The following ANAPC2 variants were observed in gnomAD, a reference collection of about 807,000 sequenced individuals.
The protein encoded by ANAPC2 is anaphase-promoting complex subunit 2.
ANAPC2 carries 29 observed loss-of-function variants against 84.3 expected under a neutral mutation model. The observed-to-expected ratio is 0.34, with a 90% CI of 0.26 to 0.47. ANAPC2 has a LOEUF of 0.47. Among genes scored for constraint, ANAPC2 ranks in the 20% least tolerant of loss-of-function variants. The pLI, the probability that ANAPC2 is intolerant of heterozygous loss-of-function variation, is 1.00. For synonymous variants in ANAPC2, 571 were observed against 479.4 expected (o/e 1.19, Z -2.50); for missense variants, 857 against 1,131.7 (o/e 0.76, Z 3.48).
At chr9:137,180,717 G>A (rs1176830063) in intron 8 of ANAPC2, 71 bp downstream of exon 8, 2 of 1,583,998 alleles carry the variant, frequency 1.3e-6, no homozygotes, top group Non-Finnish European at 1.7e-6. Flanking sequence ...CGGCGTCAGG[G>A]CCCTGTCCCG....
intron 3 of ANAPC2, among the ~76,000 whole-genome samples, chr9:137,185,444 C>T (rs550140370): frequency 3.3e-5 from 5 of 152,276 alleles, no homozygotes; most frequent in African/African-American, 9.6e-5. Flanking sequence ...TGAGACCAGC[C>T]GGGGGGCCCA....
chr9:137,177,447 C>T (rs997012658), intron 10 of ANAPC2, among the ~76,000 whole-genome samples: 1 of 152,194 alleles, frequency 6.6e-6, no homozygotes, highest in Non-Finnish European at 1.5e-5. Context: ...ACTCCAGCCT[C>T]ACCTGTACCT....
At chr9:137,183,329 C>T (rs765744621) in intron 5 of ANAPC2, 87 bp from the exon 6 acceptor site, 9 of 1,160,498 alleles carry the variant, frequency 7.8e-6, no homozygotes, top group African/African-American at 1.5e-5. Context: ...GCTGGCCATG[C>T]CGGTAGGTGG....
intron 10 of ANAPC2, among the ~76,000 whole-genome samples, chr9:137,178,768 G>A (rs2131332580): frequency 6.6e-6 from 1 of 152,078 alleles, no homozygotes; most frequent in East Asian, 1.9e-4. Flanking sequence ...GAGCCAAGCT[G>A]AGGCCTGGAG....
intron 2 of ANAPC2, chr9:137,187,231 G>A (rs1488935938): frequency 1.4e-5 from 7 of 514,186 alleles, no homozygotes; most frequent in African/African-American, 1.3e-4. Flanking sequence ...TAAGAAATTT[G>A]CTGCTGCAGA....
intron 3 of ANAPC2, 70 bp from the exon 4 acceptor site, chr9:137,185,157 G>A: frequency 1.4e-6 from 2 of 1,410,444 alleles, no homozygotes; most frequent in Non-Finnish European, 1.9e-6. Flanking sequence ...GAGGCTGGGA[G>A]GAGCCTCACG....
chr9:137,174,981 G>A lies in ANAPC2; in HGVS notation c.2430C>T (p.Tyr810=), dbSNP rs1834175476. The A allele has an allele frequency of 6.3e-7, 1 of 1,598,878 alleles. No individual in the cohort carries two copies. Among genetic ancestry groups the A allele is most frequent in the Non-Finnish European group, 8.5e-7 (1 of 1,173,894 alleles). The change falls in exon 13 of 13, where the codon TAC becomes TAT. Residue 810 remains tyrosine, a synonymous_variant. Transcript: ENST00000323927. This position sits in a 1 kb window ranked among gnomAD's most constrained non-coding sequence, Gnocchi z 6.1. ...TGGGCAGGCGGTAGACGCCGGCCGAGTAGACGAGCTGCTGGTCCCGCACCT... is the reference window on the plus strand; with the variant it reads ...TGGGCAGGCGGTAGACGCCGGCCGAATAGACGAGCTGCTGGTCCCGCACCT... ...QKKVRDQQLV[Y]SAGVYRLPKN...
intron 4 of ANAPC2, 92 bp downstream of exon 4, chr9:137,184,821 G>A (rs955154979): frequency 7.4e-6 from 11 of 1,496,158 alleles, no homozygotes; most frequent in East Asian, 2.3e-5. Context: ...AAGGCACAGG[G>A]AGCCCAGATG....
At position 137,174,789 on chromosome 9, in the gene ANAPC2, T is replaced by C; in HGVS notation, c.*153A>G. 7.0e-7 allele frequency: 1 copy of C among 1,422,650 alleles called. No individual in the cohort carries two copies. Among genetic ancestry groups the C allele is most frequent in the South Asian group, 1.5e-5 (1 of 66,546 alleles). The allele number at this position is 1,422,650 out of a possible 1,614,324, so 88.1% of individuals were successfully genotyped here. ...AAGCCACCAGGACAGAAAAGGATGA[T>C]CTGACTTGCTTTAATCTGCACACTG... On this transcript the variant is annotated 3_prime_UTR_variant, in exon 13 of 13. Coordinates refer to ENST00000323927, the MANE Select transcript of ANAPC2 (RefSeq NM_013366.4). This position sits in a 1 kb window ranked among gnomAD's most constrained non-coding sequence, Gnocchi z 6.1.
intron 7 of ANAPC2, 123 bp downstream of exon 7, chr9:137,181,558 G>T: frequency 1.8e-6 from 2 of 1,124,962 alleles, no homozygotes; most frequent in Non-Finnish European, 2.4e-6. Context: ...ACACCCTCAA[G>T]CCTCTGAGAC....
In ANAPC2 at chr9:137,175,492, G is replaced by C; in HGVS notation, c.2021-20C>G. ...AGCTGGCTGCGTGCAGAGTCACCGG[G>C]ACGCTGGGCAGCCTGGGCACGGGCT... On this transcript the variant is annotated intron_variant, in intron 11 of 12. Transcript: ENST00000323927. The C allele has an allele frequency of 6.5e-7, 1 of 1,536,772 alleles. No homozygotes were observed. Among genetic ancestry groups the C allele is most frequent in the African/African-American group, 1.4e-5 (1 of 73,074 alleles).
chr9:137,188,066 T>C lies in ANAPC2; in HGVS notation c.155A>G (p.Glu52Gly), dbSNP rs1834516474. Reference protein sequence around the residue: ...SRTSGAVPPKEEELRAAVEVL... With the variant: ...SRTSGAVPPKGEELRAAVEVL... ...CTCCACCGCCGCCCGGAGCTCCTCTTCCTTTGGCGGGACTGCACCGCTGGT... is the reference window on the plus strand; with the variant it reads ...CTCCACCGCCGCCCGGAGCTCCTCTCCCTTTGGCGGGACTGCACCGCTGGT... Residue 52 changes from glutamate (E) to glycine (G), a missense_variant, in exon 2 of 13, where the codon GAA becomes GGA. Physicochemically the swap from Glu to Gly is moderately conservative, Grantham distance 98. Around this residue, in one of 3 missense-constraint regions of ANAPC2, gnomAD observed 428 missense variants for 513.8 expected, o/e 0.83. Coordinates refer to ENST00000323927, the MANE Select transcript of ANAPC2 (RefSeq NM_013366.4). The C allele has an allele frequency of 7.4e-6, 12 of 1,613,122 alleles. No homozygotes were observed. The highest frequency in any genetic ancestry group is 1.0e-5 in the Non-Finnish European group (12 of 1,179,980).
rs780765550 is a variant in ANAPC2 at position 137,181,911 on chromosome 9, C to T, written c.1287-49G>A. 7.8e-6 allele frequency: 12 copies of T among 1,546,670 alleles called. 1 individual carries two copies. In the East Asian group the frequency reaches 1.4e-4, roughly 18 times the overall value. ...GCCCACAGTGTGGACACCCCGCGCGCACCTCCCACCACTCATTCCAGTCCC... is the reference window on the plus strand; with the variant it reads ...GCCCACAGTGTGGACACCCCGCGCGTACCTCCCACCACTCATTCCAGTCCC... On this transcript the variant is annotated intron_variant, in intron 6 of 12. Coordinates refer to ENST00000323927, the MANE Select transcript of ANAPC2 (RefSeq NM_013366.4).
chr9:137,186,215 G>C lies in ANAPC2; in HGVS notation c.873+9C>G. ...CCAGCGGGGCACAGCCCAAGGGAGG[G>C]GTCCTCACCTTGTGGAACTCACGCA... is the stretch of plus-strand genomic sequence containing the variant. On this transcript the variant is annotated intron_variant, in intron 3 of 12. Transcript: ENST00000323927. The C allele has an allele frequency of 6.2e-7, 1 of 1,612,282 alleles. No individual in the cohort carries two copies. The highest frequency in any genetic ancestry group is 8.5e-7 in the Non-Finnish European group (1 of 1,179,688).
intron 5 of ANAPC2, 24 bp downstream of exon 5, chr9:137,183,647 TG>T (rs753616751): frequency 6.2e-7 from 1 of 1,602,390 alleles, no homozygotes; most frequent in East Asian, 2.2e-5. Context: ...CCCAGAGTGC[TG>T]GGTGGCCGGG....
At chr9:137,185,136 G>C in intron 3 of ANAPC2, 49 bp from the exon 4 acceptor site, 3 of 1,456,958 alleles carry the variant, frequency 2.1e-6, no homozygotes, top group South Asian at 1.4e-5. Context: ...GGTGAGCCCC[G>C]GGCTGACTCA....
At position 137,187,654 on chromosome 9, in the gene ANAPC2, C is replaced by T. The variant is rs775776422; in HGVS notation, c.567G>A (p.Arg189=). 24 of 1,614,006 alleles carry T rather than the reference C, an allele frequency of 1.5e-5. No individual in the cohort carries two copies. The highest frequency in any genetic ancestry group is 4.4e-5 in the South Asian group (4 of 91,092). The part of the protein sequence containing the change: ...CFLRVYMQSK[R]KGEGGTDPEL... The stretch of plus-strand genomic sequence containing the variant: ...CCGGGTCTGTGCCCCCTTCCCCCTT[C>T]CTCTTACTCTGCATATAGACTCTCA... Residue 189 remains arginine, a synonymous_variant, in exon 2 of 13, where the codon AGG becomes AGA. Coordinates refer to ENST00000323927, the MANE Select transcript of ANAPC2 (RefSeq NM_013366.4).
chr9:137,174,996 G>A lies in ANAPC2; in HGVS notation c.2415C>T (p.Asp805=), dbSNP rs760254415. 2.5e-6 allele frequency: 4 copies of A among 1,605,102 alleles called. No homozygotes were observed. In the Admixed American group the frequency reaches 6.7e-5, roughly 27 times the overall value. The stretch of plus-strand genomic sequence containing the variant: ...CGCCGGCCGAGTAGACGAGCTGCTG[G>A]TCCCGCACCTTCTTCTGCAGGTAGC... ...LQGYLQKKVR[D]QQLVYSAGVY... Residue 805 remains aspartate, a synonymous_variant, in exon 13 of 13, where the codon GAC becomes GAT. Transcript: ENST00000323927. This position sits in a 1 kb window ranked among gnomAD's most constrained non-coding sequence, Gnocchi z 6.1.
At position 137,185,048 on chromosome 9, in the gene ANAPC2, G is replaced by A. The variant is rs768144648; in HGVS notation, c.913C>T (p.Leu305=). ...RVVGWLGKVF[L]QDGPARPASP... ...GCGGGCCTGGCGGGGCCGTCCTGCA[G>A]GAACACCTTGCCGAGCCAGCCGACC... The change falls in exon 4 of 13, where the codon CTG becomes TTG. Residue 305 remains leucine (L), a synonymous_variant. Transcript: ENST00000323927. 1.3e-6 allele frequency: 2 copies of A among 1,566,096 alleles called. No individual in the cohort carries two copies. Among genetic ancestry groups the A allele is most frequent in the Non-Finnish European group, 1.7e-6 (2 of 1,158,648 alleles).
Sources: allele counts gnomAD v4.1 joint callset (sites outside exome capture counted in the v4.1 genomes callset), GRCh38; gene constraint gnomAD v4.1.1; regional missense constraint gnomAD v4.1.1; non-coding constraint Gnocchi (gnomAD v3.1); transcripts MANE v1.5; gene names NCBI Gene and HGNC (gene_info 2026-07-23, HGNC 2026-07-21).